KCNMB2: variants seen among roughly 807,000 people sequenced by gnomAD.
KCNMB2 encodes the protein potassium calcium-activated channel subfamily M regulatory beta subunit 2.
Under a neutral mutation model 24.5 loss-of-function variants are expected in KCNMB2, and 9 were observed. That is an observed-to-expected ratio of 0.37 (90% CI 0.22 to 0.64). The LOEUF (loss-of-function observed/expected upper bound fraction) is 0.64. Ranked by LOEUF, KCNMB2 falls within the 30% of genes least tolerant of loss-of-function variation. The pLI is 0.63. For synonymous variants in KCNMB2, 109 were observed against 104.4 expected (o/e 1.04, Z -0.27); for missense variants, 226 against 284.3 (o/e 0.79, Z 1.47).
intron 1 of KCNMB2, among the ~76,000 whole-genome samples, chr3:178,781,940 C>T (rs866134657): frequency 0.023 from 2,581 of 110,114 alleles, 94 homozygotes; most frequent in African/African-American, 0.087. Flanking sequence ...TCCCTCCCCC[C>T]TCCCCCCACC....
At chr3:178,650,588 C>T (rs1035114048) in intron 1 of KCNMB2, among the ~76,000 whole-genome samples, 3 of 152,064 alleles carry the variant, frequency 2.0e-5, no homozygotes, top group Non-Finnish European at 4.4e-5. Flanking sequence ...ATACCAAAAC[C>T]TGGCAGAGAC....
At chr3:178,578,900 C>T (rs531571442) in intron 1 of KCNMB2, among the ~76,000 whole-genome samples, 2 of 152,240 alleles carry the variant, frequency 1.3e-5, no homozygotes, top group African/African-American at 2.4e-5. Flanking sequence ...TACAAAGAGA[C>T]TAAGACTTCC....
At chr3:178,770,079 T>C (rs771171371) in intron 1 of KCNMB2, among the ~76,000 whole-genome samples, 5 of 152,248 alleles carry the variant, frequency 3.3e-5, no homozygotes, top group South Asian at 2.1e-4. Context: ...TATGCAAATC[T>C]TGACATATGT....
chr3:178,632,244 G>T (rs1312989807), intron 1 of KCNMB2, among the ~76,000 whole-genome samples: 2 of 152,132 alleles, frequency 1.3e-5, no homozygotes, highest in African/African-American at 4.8e-5. Flanking sequence ...GAAAAGAGTG[G>T]CTTGATTAAG....
intron 1 of KCNMB2, among the ~76,000 whole-genome samples, chr3:178,686,928 G>A (rs73045969): frequency 6.6e-6 from 1 of 151,138 alleles, no homozygotes; most frequent in African/African-American, 2.4e-5. Flanking sequence ...GGCAAGAAGT[G>A]CAGACAGCTT....
chr3:178,769,468 G>A (rs1048726930), intron 1 of KCNMB2, among the ~76,000 whole-genome samples: 1 of 152,088 alleles, frequency 6.6e-6, no homozygotes, highest in Non-Finnish European at 1.5e-5. Context: ...GCGTGAGATC[G>A]AGCATAAGGT....
At chr3:178,684,084 G>C (rs1159053975) in intron 1 of KCNMB2, among the ~76,000 whole-genome samples, 1 of 152,024 alleles carries the variant, frequency 6.6e-6, no homozygotes, top group Non-Finnish European at 1.5e-5. Context: ...CAGTAGCCAG[G>C]ATATGGACAC....
At chr3:178,608,781 T>C (rs1277740313) in intron 1 of KCNMB2, among the ~76,000 whole-genome samples, 2 of 152,196 alleles carry the variant, frequency 1.3e-5, no homozygotes, top group African/African-American at 2.4e-5. Context: ...TTTGTCTTTC[T>C]GTGCCTCCAG....
At position 178,779,516 on chromosome 3, in the gene KCNMB2, A is replaced by G. The variant is rs181799471; in HGVS notation, c.-67-27827A>G. Among the ~76,000 whole-genome samples the G allele has an allele frequency of 3.3e-4, 50 of 152,348 alleles. 1 individual carries two copies. The highest frequency in any genetic ancestry group is 1.3e-3 in the East Asian group (7 of 5,188). Reference sequence around the variant, plus strand: ...TGAAAAAGTTCAAACGTCATAGTCAATATGTCCTTTAAGTTACATTTAATT... The same window carrying G: ...TGAAAAAGTTCAAACGTCATAGTCAGTATGTCCTTTAAGTTACATTTAATT... On this transcript the variant is annotated intron_variant, in intron 1 of 4. Transcript: ENST00000452583.
chr3:178,648,571 A>G (rs1337113819), intron 1 of KCNMB2, among the ~76,000 whole-genome samples: 3 of 152,170 alleles, frequency 2.0e-5, no homozygotes, highest in Admixed American at 1.3e-4. Context: ...AAACAAAAAC[A>G]TAAAAAATAA....
chr3:178,813,403 C>G lies in KCNMB2; in HGVS notation c.56+5938C>G, dbSNP rs1234756627. ...CATTTTGTGGCAATTATAATCATAC[C>G]TCTTATGTTATATATGTGTTTTTAC... On this transcript the variant is annotated intron_variant, in intron 2 of 4. Transcript: ENST00000452583. Among the ~76,000 whole-genome samples, 3 of 151,916 alleles carry G rather than the reference C, an allele frequency of 2.0e-5. No homozygotes were observed. In the East Asian group the frequency reaches 5.8e-4, roughly 29 times the overall value.
At chr3:178,702,944 T>C (rs371706400) in intron 1 of KCNMB2, among the ~76,000 whole-genome samples, 1 of 152,144 alleles carries the variant, frequency 6.6e-6, no homozygotes, top group East Asian at 1.9e-4. Context: ...GTAATGGGCT[T>C]GTTGGTAGGG....
intron 1 of KCNMB2, among the ~76,000 whole-genome samples, chr3:178,648,018 T>C (rs1467548937): frequency 1.3e-5 from 2 of 152,128 alleles, no homozygotes; most frequent in Admixed American, 1.3e-4. Flanking sequence ...TGACTTCAAG[T>C]GCACAACACT....
At chr3:178,660,157 C>A (rs1240217443) in intron 1 of KCNMB2, among the ~76,000 whole-genome samples, 1 of 152,054 alleles carries the variant, frequency 6.6e-6, no homozygotes, top group Non-Finnish European at 1.5e-5. Context: ...TACTTGATTG[C>A]CCTTTGATTA....
chr3:178,563,692 A>G (rs1343187124), intron 1 of KCNMB2, among the ~76,000 whole-genome samples: 1 of 152,156 alleles, frequency 6.6e-6, no homozygotes, highest in Non-Finnish European at 1.5e-5. Context: ...GCAATCCTAG[A>G]AAGTAAGGGT....
chr3:178,705,978 GCTC>G (rs1341955939), intron 1 of KCNMB2, among the ~76,000 whole-genome samples: 16 of 152,086 alleles, frequency 1.1e-4, no homozygotes, highest in African/African-American at 3.9e-4. Context: ...ATTCTATGAA[GCTC>G]CTGCTTCTAC....
At chr3:178,818,725 C>T (rs114074231) in intron 2 of KCNMB2, among the ~76,000 whole-genome samples, 1 of 152,264 alleles carries the variant, frequency 6.6e-6, no homozygotes, top group African/African-American at 2.4e-5. Flanking sequence ...CACACTAACA[C>T]GAGTGATCTT....
At chr3:178,766,595 A>G (rs1712130935) in intron 1 of KCNMB2, among the ~76,000 whole-genome samples, 1 of 152,136 alleles carries the variant, frequency 6.6e-6, no homozygotes, top group African/African-American at 2.4e-5. Flanking sequence ...CTATTTTGTT[A>G]TTTAACTTCG....
At chr3:178,629,603 G>T (rs1719240820) in intron 1 of KCNMB2, among the ~76,000 whole-genome samples, 1 of 152,146 alleles carries the variant, frequency 6.6e-6, no homozygotes, top group Non-Finnish European at 1.5e-5. Flanking sequence ...AATCATCATT[G>T]TATTTTGTTA....
Sources: gnomAD v4.1 joint callset for allele counts (sites outside exome capture counted in the v4.1 genomes callset) on GRCh38, gnomAD v4.1.1 for gene constraint, MANE v1.5 for transcripts, NCBI Gene and HGNC (gene_info 2026-07-23, HGNC 2026-07-21) for gene names.